Variants in N4BP3 observed in about 807,000 individuals in gnomAD.
N4BP3 encodes the protein NEDD4-binding protein 3.
In N4BP3, 33 loss-of-function variants were observed where a neutral mutation model predicts 43.8. The ratio of observed to expected loss-of-function variants is 0.75; its 90% CI spans 0.57 to 1.01. N4BP3 has a LOEUF of 1.01. N4BP3 is among the 50% of genes least tolerant of loss of function. The pLI, the probability that N4BP3 is intolerant of heterozygous loss-of-function variation, is 0.00. For missense variants in N4BP3, 756 were observed against 744.2 expected (o/e 1.02, Z -0.18); for synonymous variants, 326 against 321.9 (o/e 1.01, Z -0.14).
rs1758051969 is a variant in N4BP3, at chr5:178,125,865, T to G, written c.*3864T>G. ...CCCCAGCCCCTGGCAACCACTGATC[T>G]GCTTTCACAATAACCGTATGGGGTT... On this transcript the variant is annotated 3_prime_UTR_variant, in exon 5 of 5. Coordinates refer to ENST00000274605, the MANE Select transcript of N4BP3 (RefSeq NM_015111.2). 1 of 142,866 alleles carries G rather than the reference T, an allele frequency of 7.0e-6. No homozygotes were observed. Among genetic ancestry groups the G allele is most frequent in the African/African-American group, 2.5e-5 (1 of 39,418 alleles). The allele number at this position is 142,866 out of a possible 1,614,324, so 8.8% of individuals were successfully genotyped here. A position where few individuals can be genotyped will look rare whatever the true frequency, so the allele number is the denominator to read the frequency against.
rs750548562 is a variant in N4BP3 at position 178,122,013 on chromosome 5, C to T, written c.*12C>T. 53 of 1,572,544 alleles carry T rather than the reference C, an allele frequency of 3.4e-5. No homozygotes were observed. Among genetic ancestry groups the T allele is most frequent in the Non-Finnish European group, 3.4e-5 (39 of 1,160,342 alleles). On this transcript the variant is annotated 3_prime_UTR_variant, in exon 5 of 5. Transcript: ENST00000274605. Reference sequence around the variant, plus strand: ...CCTCCAAGATCTGAGGCCAGCAGAGCGAGCTGACAGCAGCAACACTGTCAG... The same window carrying T: ...CCTCCAAGATCTGAGGCCAGCAGAGTGAGCTGACAGCAGCAACACTGTCAG...
In N4BP3 at chr5:178,120,611, C is replaced by T. The variant is rs1214071076; in HGVS notation, c.764C>T (p.Ala255Val). The T allele has an allele frequency of 1.2e-6, 2 of 1,611,570 alleles. No individual in the cohort carries two copies. The highest frequency in any genetic ancestry group is 2.2e-5 in the East Asian group (1 of 44,884). The change falls in exon 3 of 5, where the codon GCC (alanine) becomes GTC (valine). Residue 255 changes from alanine to valine, a missense_variant. Physicochemically the swap from Ala to Val is moderately conservative, Grantham distance 64 (BLOSUM62 0). Coordinates refer to ENST00000274605, the MANE Select transcript of N4BP3 (RefSeq NM_015111.2). ...CCCTACGAGTTCTCCTGCTCCTCTG[C>T]CGAGGAAATGGGAGCCGTGCTGCCC... Reference protein sequence around the residue: ...PPPYEFSCSSAEEMGAVLPET... With the variant: ...PPPYEFSCSSVEEMGAVLPET...
Position 178,120,210 on chromosome 5 carries a change from G to C in N4BP3, c.363G>C (p.Thr121=). ...TTCGCCCCTCAGTGTTCAAGCCTAC[G>C]GCGGGCAACGGGAAAGGCTTCCTAT... ...CRIRPSVFKP[T]AGNGKGFLSM... Residue 121 remains threonine (T), a synonymous_variant, in exon 3 of 5, where the codon ACG becomes ACC. Coordinates refer to ENST00000274605, the MANE Select transcript of N4BP3 (RefSeq NM_015111.2). 6.3e-7 allele frequency: 1 copy of C among 1,589,914 alleles called. No individual in the cohort carries two copies. The highest frequency in any genetic ancestry group is 8.6e-7 in the Non-Finnish European group (1 of 1,164,938).
rs576200316 is a variant in N4BP3 at position 178,124,386 on chromosome 5, C to G, written c.*2385C>G. ...TCCCCGTCAGCTCATCCAGGCTGGA[C>G]AAACCAGTTCCTGGGTCCCCCAGCC... is the stretch of plus-strand genomic sequence containing the variant. On this transcript the variant is annotated 3_prime_UTR_variant, in exon 5 of 5. Coordinates refer to ENST00000274605, the MANE Select transcript of N4BP3 (RefSeq NM_015111.2). 2.0e-5 allele frequency: 3 copies of G among 152,740 alleles called. No homozygotes were observed. In the South Asian group the frequency reaches 6.2e-4, roughly 32 times the overall value. The allele number at this position is 152,740 out of a possible 1,614,324, so 9.5% of individuals were successfully genotyped here. A position where few individuals can be genotyped will look rare whatever the true frequency, so the allele number is the denominator to read the frequency against.
intron 1 of N4BP3, 111 bp from the exon 2 acceptor site, chr5:178,119,443 G>A: frequency 1.4e-6 from 1 of 720,268 alleles, no homozygotes; most frequent in Non-Finnish European, 2.2e-6. Flanking sequence ...CCTTACCTGG[G>A]CCTGGGCAAG....
chr5:178,121,981 C>A lies in N4BP3; in HGVS notation c.1615C>A (p.Leu539Ile). 1.3e-6 allele frequency: 2 copies of A among 1,599,538 alleles called. No individual in the cohort carries two copies. The highest frequency in any genetic ancestry group is 8.5e-7 in the Non-Finnish European group (1 of 1,173,192). The change falls in exon 5 of 5, where the codon CTC becomes ATC. Residue 539 changes from leucine (L) to isoleucine (I), a missense_variant. By Grantham distance (5) the Leu-to-Ile change is conservative (BLOSUM62 2). Coordinates refer to ENST00000274605, the MANE Select transcript of N4BP3 (RefSeq NM_015111.2). ...GCCCCCCACACCCTGGAGTCCCCGG[C>A]TCGAGTCCTCCAAGATCTGAGGCCA... Reference protein sequence around the residue: ...REPPTPWSPRLESSKI With the variant: ...REPPTPWSPRIESSKI
Position 178,122,067 on chromosome 5 carries a change from T to C in N4BP3, c.*66T>C. 2.0e-6 allele frequency: 3 copies of C among 1,490,394 alleles called. No homozygotes were observed. The highest frequency in any genetic ancestry group is 1.8e-6 in the Non-Finnish European group (2 of 1,119,982). The allele number at this position is 1,490,394 out of a possible 1,614,324, so 92.3% of individuals were successfully genotyped here. A position where few individuals can be genotyped will look rare whatever the true frequency, so the allele number is the denominator to read the frequency against. ...GTGCCCTGAGACGGCCGGCTCAGCC[T>C]TCCCTTGCACTGGTTGGGGTGGAAC... On this transcript the variant is annotated 3_prime_UTR_variant, in exon 5 of 5. Coordinates refer to ENST00000274605, the MANE Select transcript of N4BP3 (RefSeq NM_015111.2).
At position 178,121,143 on chromosome 5, in the gene N4BP3, C is replaced by T. The variant is rs759835294; in HGVS notation, c.898C>T (p.Leu300=). 13 of 1,599,998 alleles carry T rather than the reference C, an allele frequency of 8.1e-6. No homozygotes were observed. The African/African-American group carries it at 1.1e-4, about 13-fold the overall frequency. The change falls in exon 4 of 5, where the codon CTG becomes TTG. Residue 300 remains leucine, a synonymous_variant. Transcript: ENST00000274605. ...QRLWLAELKR[L]YVERLHEVTQ... is the part of the protein sequence containing the mutation. ...GCTGTGGCTGGCTGAGCTGAAGCGC[C>T]TGTATGTGGAGCGGCTGCACGAGGT...
At position 178,121,956 on chromosome 5, in the gene N4BP3, G is replaced by GC. The variant is rs1757941875; in HGVS notation, c.1596dup (p.Thr533HisfsTer142). 1 of 1,610,822 alleles carries GC rather than the reference G, an allele frequency of 6.2e-7. No homozygotes were observed. Among genetic ancestry groups the GC allele is most frequent in the Non-Finnish European group, 8.5e-7 (1 of 1,179,170 alleles). On this transcript the variant is annotated frameshift_variant, in exon 5 of 5. Transcript: ENST00000274605. LOFTEE classifies it high-confidence loss of function. The stretch of plus-strand genomic sequence containing the variant: ...AGCAGGAACTGCGGGCACTGCGGGA[G>GC]CCCCCCACACCCTGGAGTCCCCGGC...
intron 4 of N4BP3, 57 bp downstream of exon 4, chr5:178,121,409 C>A: frequency 6.2e-7 from 1 of 1,612,876 alleles, no homozygotes; most frequent in Non-Finnish European, 8.5e-7. Context: ...GTCCCTTCTT[C>A]TGCCTGCCCC....
Position 178,121,473 on chromosome 5 carries a change from G to C in N4BP3, c.1108-1G>C. The C allele has an allele frequency of 1.2e-6, 2 of 1,613,910 alleles. No individual in the cohort carries two copies. Among genetic ancestry groups the C allele is most frequent in the Non-Finnish European group, 8.5e-7 (1 of 1,179,992 alleles). On this transcript the variant is annotated splice_acceptor_variant, in intron 4 of 4. Coordinates refer to ENST00000274605, the MANE Select transcript of N4BP3 (RefSeq NM_015111.2). LOFTEE classifies it high-confidence loss of function. ...TTGCTTGCGTCCTCCCCATCCCCCA[G>C]GTGTGCCAGAAGACAGCAGAGATTA... is the stretch of plus-strand genomic sequence containing the variant.
rs1405220880 is a variant in N4BP3 at position 178,121,731 on chromosome 5, G to C, written c.1365G>C (p.Glu455Asp). 1 of 1,608,334 alleles carries C rather than the reference G, an allele frequency of 6.2e-7. No individual in the cohort carries two copies. Among genetic ancestry groups the C allele is most frequent in the Non-Finnish European group, 8.5e-7 (1 of 1,179,848 alleles). ...DDCKSRGLLG[E>D]AGGSEARDSA... ...GCAAGAGCAGGGGCCTGCTAGGGGA[G>C]GCAGGAGGCAGCGAGGCCAGAGACA... Residue 455 changes from glutamate (E) to aspartate (D), a missense_variant, in exon 5 of 5, where the codon GAG becomes GAC. Transcript: ENST00000274605.
At position 178,120,680 on chromosome 5, in the gene N4BP3, G is replaced by C. The variant is rs375459542; in HGVS notation, c.833G>C (p.Gly278Ala). ...AAGAGGGGCCTTGGCGATGAGGACGGCTCCAACCCCTTCACGCAGGTGAGG... is the reference window on the plus strand; with the variant it reads ...AAGAGGGGCCTTGGCGATGAGGACGCCTCCAACCCCTTCACGCAGGTGAGG... The part of the protein sequence containing the change: ...ELKRGLGDED[G>A]SNPFTQVLEE... Residue 278 changes from glycine (G) to alanine (A), a missense_variant, in exon 3 of 5, where the codon GGC (glycine) becomes GCC (alanine). By Grantham distance (60) the Gly-to-Ala change is moderately conservative (BLOSUM62 0). Coordinates refer to ENST00000274605, the MANE Select transcript of N4BP3 (RefSeq NM_015111.2). 3 of 1,594,754 alleles carry C rather than the reference G, an allele frequency of 1.9e-6. No individual in the cohort carries two copies. In the African/African-American group the frequency reaches 4.0e-5, roughly 21 times the overall value.
In N4BP3 at chr5:178,123,195, C is replaced by G. The variant is rs887474653; in HGVS notation, c.*1194C>G. 1 of 152,362 alleles carries G rather than the reference C, an allele frequency of 6.6e-6. No homozygotes were observed. Among genetic ancestry groups the G allele is most frequent in the Admixed American group, 6.5e-5 (1 of 15,288 alleles). The allele number at this position is 152,362 out of a possible 1,614,324, so 9.4% of individuals were successfully genotyped here. A position where few individuals can be genotyped will look rare whatever the true frequency, so the allele number is the denominator to read the frequency against. Reference sequence around the variant, plus strand: ...GGCCTTTGCTCCCCCGCTGGGTGCCCGGCCTGGAACACAGGTTCTGTCTGG... The same window carrying G: ...GGCCTTTGCTCCCCCGCTGGGTGCCGGGCCTGGAACACAGGTTCTGTCTGG... On this transcript the variant is annotated 3_prime_UTR_variant, in exon 5 of 5. Transcript: ENST00000274605.
At position 178,125,561 on chromosome 5, in the gene N4BP3, G is replaced by A. The variant is rs1758042046; in HGVS notation, c.*3560G>A. ...AACCCATCCCCCTTGGCAGGTGGGG[G>A]CTTAGGCATCCATATTGGATTCAGA... On this transcript the variant is annotated 3_prime_UTR_variant, in exon 5 of 5. Coordinates refer to ENST00000274605, the MANE Select transcript of N4BP3 (RefSeq NM_015111.2). 1 of 152,240 alleles carries A rather than the reference G, an allele frequency of 6.6e-6. No individual in the cohort carries two copies. Among genetic ancestry groups the A allele is most frequent in the Admixed American group, 6.5e-5 (1 of 15,292 alleles). The allele number at this position is 152,240 out of a possible 1,614,324, so 9.4% of individuals were successfully genotyped here.
In N4BP3 at chr5:178,120,622, G is replaced by C; in HGVS notation, c.775G>C (p.Gly259Arg). ...EFSCSSAEEM[G>R]AVLPETCEEL... Reference sequence around the variant, plus strand: ...CTCCTGCTCCTCTGCCGAGGAAATGGGAGCCGTGCTGCCCGAGACCTGTGA... The same window carrying C: ...CTCCTGCTCCTCTGCCGAGGAAATGCGAGCCGTGCTGCCCGAGACCTGTGA... The change falls in exon 3 of 5, where the codon GGA becomes CGA. Residue 259 changes from glycine (G) to arginine (R), a missense_variant. Coordinates refer to ENST00000274605, the MANE Select transcript of N4BP3 (RefSeq NM_015111.2). 1 of 1,610,274 alleles carries C rather than the reference G, an allele frequency of 6.2e-7. No homozygotes were observed. Among genetic ancestry groups the C allele is most frequent in the African/African-American group, 1.3e-5 (1 of 75,070 alleles).
Position 178,120,410 on chromosome 5 carries a change from T to A in N4BP3, c.563T>A (p.Leu188Gln). The A allele has an allele frequency of 6.2e-7, 1 of 1,612,926 alleles. No individual in the cohort carries two copies. The highest frequency in any genetic ancestry group is 1.1e-5 in the South Asian group (1 of 91,088). ...GGCGGCCCTGAGCCCGAGCCCAGCC[T>A]GTCCGACTCCTCCAGTGGGGGTAGT... ...DEGGPEPEPSLSDSSSGGSFG... is the reference protein window; with the variant it reads ...DEGGPEPEPSQSDSSSGGSFG... The change falls in exon 3 of 5, where the codon CTG becomes CAG. Residue 188 changes from leucine (L) to glutamine (Q), a missense_variant. Coordinates refer to ENST00000274605, the MANE Select transcript of N4BP3 (RefSeq NM_015111.2).
At position 178,124,474 on chromosome 5, in the gene N4BP3, G is replaced by C. The variant is rs927224247; in HGVS notation, c.*2473G>C. ...ACTGATCACAGGTGTCACCGTAGTG[G>C]CTACCACCTCAGGGCAGCCCCTCCC... On this transcript the variant is annotated 3_prime_UTR_variant, in exon 5 of 5. Coordinates refer to ENST00000274605, the MANE Select transcript of N4BP3 (RefSeq NM_015111.2). 3 of 152,258 alleles carry C rather than the reference G, an allele frequency of 2.0e-5. No individual in the cohort carries two copies. The highest frequency in any genetic ancestry group is 4.8e-5 in the African/African-American group (2 of 41,440). The allele number at this position is 152,258 out of a possible 1,614,324, so 9.4% of individuals were successfully genotyped here. A position where few individuals can be genotyped will look rare whatever the true frequency, so the allele number is the denominator to read the frequency against.
At chr5:178,119,994 G>C in intron 2 of N4BP3, 81 bp downstream of exon 2, 1 of 1,491,892 alleles carries the variant, frequency 6.7e-7, no homozygotes, top group Middle Eastern at 1.8e-4. Context: ...ATGGGGTGGG[G>C]ACGGGGCATG....
Sources: allele counts gnomAD v4.1 joint callset, GRCh38; gene constraint gnomAD v4.1.1; transcripts MANE v1.5; gene names NCBI Gene and HGNC (gene_info 2026-07-23, HGNC 2026-07-21).